ARHGEF28: variants seen among roughly 807,000 people sequenced by gnomAD.
ARHGEF28 encodes the protein 190 kDa guanine nucleotide exchange factor.
ARHGEF28 carries 152 observed loss-of-function variants against 206.6 expected under a neutral mutation model. The ratio of observed to expected loss-of-function variants is 0.74; its 90% CI spans 0.64 to 0.84. The LOEUF is 0.84. ARHGEF28 is among the 40% of genes least tolerant of loss of function. The pLI, the probability that ARHGEF28 is intolerant of heterozygous loss-of-function variation, is 0.00. For synonymous variants in ARHGEF28, 763 were observed against 776.4 expected (o/e 0.98, Z 0.29); for missense variants, 2,028 against 2,073.2 (o/e 0.98, Z 0.42).
chr5:73,803,599 TG>T, intron 9 of ARHGEF28: 1 of 161,212 alleles, frequency 6.2e-6, no homozygotes. Context: ...TGAAGAATCA[TG>T]GGGACTCTAT....
At chr5:73,737,395 C>T (rs1166915111) in intron 2 of ARHGEF28, among the ~76,000 whole-genome samples, 2 of 151,586 alleles carry the variant, frequency 1.3e-5, no homozygotes, top group Non-Finnish European at 2.9e-5. Context: ...CACTCCCCAG[C>T]CCACTGCCGT....
chr5:73,674,054 C>T (rs182571121), intron 1 of ARHGEF28, among the ~76,000 whole-genome samples: 179 of 150,594 alleles, frequency 1.2e-3, no homozygotes, highest in African/African-American at 4.2e-3. Context: ...TCCTGCAGTT[C>T]CAGCTACTCA....
intron 7 of ARHGEF28, among the ~76,000 whole-genome samples, chr5:73,790,217 C>T (rs1278628087): frequency 1.3e-5 from 2 of 150,598 alleles, no homozygotes; most frequent in Non-Finnish European, 1.5e-5. Context: ...TGGAGAGGTG[C>T]CAGGAAAGTT....
intron 9 of ARHGEF28, among the ~76,000 whole-genome samples, chr5:73,822,806 T>A (rs1756679445): frequency 6.6e-6 from 1 of 152,160 alleles, no homozygotes; most frequent in Non-Finnish European, 1.5e-5. Context: ...TTCATTTTTT[T>A]TGTAGAAACA....
chr5:73,711,199 T>C (rs1249915313), intron 2 of ARHGEF28, among the ~76,000 whole-genome samples: 1 of 152,234 alleles, frequency 6.6e-6, no homozygotes, highest in Admixed American at 6.5e-5. Context: ...CCAGATTATA[T>C]GCCATTTCAC....
At chr5:73,881,068 T>C (rs961470215) in intron 22 of ARHGEF28, among the ~76,000 whole-genome samples, 19 of 151,340 alleles carry the variant, frequency 1.3e-4, no homozygotes, top group Non-Finnish European at 1.5e-5. Flanking sequence ...GGCTGTCCAA[T>C]TGCTCCAGTG....
chr5:73,735,295 G>A (rs867157045), intron 2 of ARHGEF28, among the ~76,000 whole-genome samples: 2 of 151,824 alleles, frequency 1.3e-5, no homozygotes, highest in East Asian at 3.8e-4. Context: ...GAAGTGCTAT[G>A]CAAGTGCCGA....
chr5:73,737,817 C>T (rs1311747315), intron 2 of ARHGEF28, among the ~76,000 whole-genome samples: 2 of 152,066 alleles, frequency 1.3e-5, no homozygotes, highest in South Asian at 2.1e-4. Context: ...ATGCCCAGCC[C>T]CTTGTGTCCT....
intron 8 of ARHGEF28, among the ~76,000 whole-genome samples, chr5:73,794,977 T>C (rs910194710): frequency 3.9e-5 from 6 of 152,262 alleles, no homozygotes; most frequent in Admixed American, 2.6e-4. Context: ...GAGTTGTAGT[T>C]GTATATGCAA....
intron 1 of ARHGEF28, among the ~76,000 whole-genome samples, chr5:73,657,197 A>G (rs1388008576): frequency 6.8e-6 from 1 of 146,346 alleles, no homozygotes. Context: ...AAAAAAAAGA[A>G]TGTTGGACTC....
chr5:73,736,051 A>C (rs1477752873), intron 2 of ARHGEF28, among the ~76,000 whole-genome samples: 1 of 152,254 alleles, frequency 6.6e-6, no homozygotes, highest in Admixed American at 6.5e-5. Flanking sequence ...TGTCGTCTTC[A>C]TACCATCTGT....
At chr5:73,792,854 A>C (rs1754564763) in intron 7 of ARHGEF28, among the ~76,000 whole-genome samples, 1 of 152,112 alleles carries the variant, frequency 6.6e-6, no homozygotes, top group African/African-American at 2.4e-5. Flanking sequence ...GGACTTTGGC[A>C]CTTGAAAGCA....
chr5:73,887,448 A>G (rs1338229854), intron 25 of ARHGEF28, 155 bp from the exon 26 acceptor site: 2 of 562,972 alleles, frequency 3.6e-6, no homozygotes, highest in African/African-American at 1.9e-5. Flanking sequence ...ACAGCTTTCT[A>G]TTAAGTTATT....
At chr5:73,866,214 G>A (rs993593043) in intron 18 of ARHGEF28, among the ~76,000 whole-genome samples, 16 of 152,158 alleles carry the variant, frequency 1.1e-4, no homozygotes, top group African/African-American at 3.9e-4. Context: ...CTTTTGTGTT[G>A]TGTGTACCAT....
chr5:73,688,596 G>T (rs1747614143), intron 2 of ARHGEF28, among the ~76,000 whole-genome samples: 1 of 152,102 alleles, frequency 6.6e-6, no homozygotes, highest in East Asian at 1.9e-4. Context: ...CTTCTAGACA[G>T]AACAACTAAT....
rs765430541 is a variant in ARHGEF28, at chr5:73,909,517, C to A, written c.4267C>A (p.Gln1423Lys). ...CTCTATCCTCCGAGGCGGCCCCTTG[C>A]AGGACCAGAAGTCTCGCGACGCGGA... ...GHSILRGGPL[Q>K]DQKSRDADRQ... Residue 1423 changes from glutamine (Q) to lysine (K), a missense_variant, in exon 34 of 36, where the codon CAG becomes AAG. By Grantham distance (53) the Gln-to-Lys change is moderately conservative (BLOSUM62 1). This residue lies in a region of ARHGEF28 where 803 missense variants were observed against 768.0 expected (regional missense o/e 1.05). Coordinates refer to ENST00000513042, the MANE Select transcript of ARHGEF28 (RefSeq NM_001177693.2). 6.2e-7 allele frequency: 1 copy of A among 1,606,024 alleles called. No individual in the cohort carries two copies. The highest frequency in any genetic ancestry group is 1.1e-5 in the South Asian group (1 of 89,824).
chr5:73,714,316 T>C (rs1185920774), intron 2 of ARHGEF28, among the ~76,000 whole-genome samples: 1 of 152,212 alleles, frequency 6.6e-6, no homozygotes, highest in African/African-American at 2.4e-5. Flanking sequence ...AGGTGGGGAA[T>C]GCAAGACTGA....
At chr5:73,841,987 A>G (rs541120572) in intron 11 of ARHGEF28, among the ~76,000 whole-genome samples, 23 of 152,290 alleles carry the variant, frequency 1.5e-4, no homozygotes, top group Admixed American at 1.4e-3. Flanking sequence ...ATTTTCTTGC[A>G]TATATAAAAA....
At chr5:73,909,005 T>A (rs1448688517) in intron 33 of ARHGEF28, 1 of 158,402 alleles carries the variant, frequency 6.3e-6, no homozygotes, top group Non-Finnish European at 1.4e-5. Context: ...ATTCTTAAGT[T>A]CTCATGAATG....
Sources: allele counts gnomAD v4.1 joint callset (sites outside exome capture counted in the v4.1 genomes callset), GRCh38; gene constraint gnomAD v4.1.1; regional missense constraint gnomAD v4.1.1; transcripts MANE v1.5; gene names NCBI Gene and HGNC (gene_info 2026-07-23, HGNC 2026-07-21).